Variants in KCTD8 observed in about 807,000 individuals in gnomAD.
The protein encoded by KCTD8 is potassium channel tetramerization domain containing 8, also known as BTB/POZ domain-containing protein KCTD8.
KCTD8 carries 27 observed loss-of-function variants against 31.5 expected under a neutral mutation model. The observed-to-expected ratio is 0.86, with a 90% CI of 0.63 to 1.18. The LOEUF (loss-of-function observed/expected upper bound fraction) is 1.18, where lower values mean the gene tolerates loss of function less well. Among genes scored for constraint, KCTD8 ranks in the 50% most tolerant of loss-of-function variants. The pLI, the probability that KCTD8 is intolerant of heterozygous loss-of-function variation, is 0.00. For synonymous variants in KCTD8, 290 were observed against 280.0 expected (o/e 1.04, Z -0.36); for missense variants, 658 against 647.7 (o/e 1.02, Z -0.17).
intron 1 of KCTD8, among the ~76,000 whole-genome samples, chr4:44,295,142 A>G (rs1166763265): frequency 6.6e-6 from 1 of 151,976 alleles, no homozygotes; most frequent in African/African-American, 2.4e-5. Context: ...TTTAAAAAAT[A>G]ATAATTAGCC....
chr4:44,394,013 T>C (rs1051488441), intron 1 of KCTD8, among the ~76,000 whole-genome samples: 4 of 152,058 alleles, frequency 2.6e-5, no homozygotes, highest in Non-Finnish European at 5.9e-5. Flanking sequence ...CAAGAGAATA[T>C]AATATAAGCA....
intron 1 of KCTD8, among the ~76,000 whole-genome samples, chr4:44,336,960 GA>G (rs554286802): frequency 4.0e-5 from 6 of 151,878 alleles, no homozygotes; most frequent in Non-Finnish European, 7.4e-5. Flanking sequence ...ATAAATTATG[GA>G]AAAAAATTAA....
intron 1 of KCTD8, among the ~76,000 whole-genome samples, chr4:44,383,060 C>A (rs1402844559): frequency 6.6e-6 from 1 of 150,790 alleles, no homozygotes; most frequent in East Asian, 2.0e-4. Flanking sequence ...TTTATAATAG[C>A]TATAAAAAAA....
At chr4:44,244,488 C>G (rs1366981924) in intron 1 of KCTD8, among the ~76,000 whole-genome samples, 2 of 152,126 alleles carry the variant, frequency 1.3e-5, no homozygotes, top group African/African-American at 4.8e-5. Flanking sequence ...CCTTTATTCT[C>G]TATCGAAGCA....
At chr4:44,272,087 T>C (rs1005022234) in intron 1 of KCTD8, among the ~76,000 whole-genome samples, 1 of 149,088 alleles carries the variant, frequency 6.7e-6, no homozygotes, top group Admixed American at 6.7e-5. Flanking sequence ...CAACACATAG[T>C]AGAGGTCCAT....
intron 1 of KCTD8, among the ~76,000 whole-genome samples, chr4:44,443,236 GA>G (rs941913758): frequency 6.6e-6 from 1 of 152,172 alleles, no homozygotes; most frequent in Non-Finnish European, 1.5e-5. Context: ...TAACTCGGGA[GA>G]AAAATAATCA....
chr4:44,237,717 C>T (rs1715333780), intron 1 of KCTD8, among the ~76,000 whole-genome samples: 1 of 152,192 alleles, frequency 6.6e-6, no homozygotes, highest in African/African-American at 2.4e-5. Context: ...GAAATATAGT[C>T]CTCCTGATCC....
intron 1 of KCTD8, among the ~76,000 whole-genome samples, chr4:44,305,944 T>G (rs193198933): frequency 6.6e-6 from 1 of 151,916 alleles, no homozygotes; most frequent in East Asian, 1.9e-4. Flanking sequence ...ATTTAAAAAC[T>G]AAAAGCATTT....
intron 1 of KCTD8, among the ~76,000 whole-genome samples, chr4:44,305,393 T>C (rs1217123438): frequency 1.3e-5 from 2 of 151,738 alleles, no homozygotes; most frequent in African/African-American, 2.4e-5. Flanking sequence ...TAAAAGGATA[T>C]TTTAAAAGTT....
intron 1 of KCTD8, among the ~76,000 whole-genome samples, chr4:44,430,553 T>A (rs1451531754): frequency 6.6e-6 from 1 of 151,630 alleles, no homozygotes; most frequent in Non-Finnish European, 1.5e-5. Flanking sequence ...CCTGAATTAG[T>A]GACCAGAAAA....
chr4:44,439,145 T>C (rs537584090), intron 1 of KCTD8, among the ~76,000 whole-genome samples: 6 of 152,226 alleles, frequency 3.9e-5, no homozygotes, highest in Non-Finnish European at 7.4e-5. Flanking sequence ...ATACCAAAAA[T>C]TAGAAAGCAC....
At chr4:44,357,082 T>C (rs1719362749) in intron 1 of KCTD8, among the ~76,000 whole-genome samples, 1 of 101,392 alleles carries the variant, frequency 9.9e-6, no homozygotes, top group Admixed American at 1.3e-4. Flanking sequence ...AAGAAAGGCA[T>C]TTGAGGCAAA....
At chr4:44,383,460 A>G (rs1017929451) in intron 1 of KCTD8, among the ~76,000 whole-genome samples, 3 of 152,098 alleles carry the variant, frequency 2.0e-5, no homozygotes, top group African/African-American at 7.2e-5. Context: ...ACTGGCATAG[A>G]AACTGACACA....
chr4:44,214,166 C>T (rs926258685), intron 1 of KCTD8, among the ~76,000 whole-genome samples: 6 of 152,286 alleles, frequency 3.9e-5, no homozygotes, highest in African/African-American at 1.4e-4. Context: ...TCTGGCCCTT[C>T]TTTGAATCTC....
intron 1 of KCTD8, among the ~76,000 whole-genome samples, chr4:44,228,588 A>C (rs1222994199): frequency 1.3e-5 from 2 of 152,210 alleles, no homozygotes; most frequent in African/African-American, 2.4e-5. Context: ...TGCCTTTGCA[A>C]AAGGCAAAAC....
chr4:44,436,454 AT>A (rs1392882012), intron 1 of KCTD8, among the ~76,000 whole-genome samples: 2 of 152,080 alleles, frequency 1.3e-5, no homozygotes, highest in Non-Finnish European at 2.9e-5. Context: ...TAAAAATAAG[AT>A]TTATAGTCCT....
intron 1 of KCTD8, among the ~76,000 whole-genome samples, chr4:44,428,286 T>G (rs1346880464): frequency 6.6e-6 from 1 of 151,746 alleles, no homozygotes; most frequent in Non-Finnish European, 1.5e-5. Context: ...ACCTCAAGAC[T>G]TATTTTACTT....
intron 1 of KCTD8, among the ~76,000 whole-genome samples, chr4:44,274,306 C>T (rs570148176): frequency 6.6e-6 from 1 of 151,956 alleles, no homozygotes; most frequent in East Asian, 1.9e-4. Flanking sequence ...ACTACTCAAT[C>T]ATTTCTGTTT....
At chr4:44,320,090 T>G (rs758482381) in intron 1 of KCTD8, among the ~76,000 whole-genome samples, 6 of 137,728 alleles carry the variant, frequency 4.4e-5, no homozygotes, top group Non-Finnish European at 6.0e-5. Context: ...GAGAATCACT[T>G]GAACCCAGGA....
Sources: allele counts gnomAD v4.1 joint callset (sites outside exome capture counted in the v4.1 genomes callset), GRCh38; gene constraint gnomAD v4.1.1; transcripts MANE v1.5; gene names NCBI Gene and HGNC (gene_info 2026-07-23, HGNC 2026-07-21).